The following SLC27A2 variants were observed in gnomAD, a reference collection of about 807,000 sequenced individuals.
SLC27A2 encodes solute carrier family 27 member 2.
SLC27A2 carries 54 observed loss-of-function variants against 60.0 expected under a neutral mutation model. The ratio of observed to expected loss-of-function variants is 0.90; its 90% CI spans 0.72 to 1.13. SLC27A2 has a LOEUF of 1.13. Ranked by LOEUF, SLC27A2 falls within the 50% of genes most tolerant of loss-of-function variation. The pLI is 0.00. For missense variants in SLC27A2, 739 were observed against 777.6 expected (o/e 0.95, Z 0.59); for synonymous variants, 297 against 297.6 (o/e 1.00, Z 0.02).
At chr15:50,228,093 A>G (rs979017212) in intron 7 of SLC27A2, among the ~76,000 whole-genome samples, 1 of 152,122 alleles carries the variant, frequency 6.6e-6, no homozygotes, top group African/African-American at 2.4e-5. Flanking sequence ...AGAATTTTTA[A>G]TGGGCCAGGC....
intron 4 of SLC27A2, among the ~76,000 whole-genome samples, chr15:50,212,070 CAAAA>C (rs1171050015): frequency 4.1e-5 from 2 of 48,538 alleles, no homozygotes; most frequent in African/African-American, 1.6e-4. Flanking sequence ...GACTCTGTCT[CAAAA>C]AAAAAAAAAA....
intron 1 of SLC27A2, among the ~76,000 whole-genome samples, chr15:50,194,041 G>A (rs989461584): frequency 1.3e-5 from 2 of 152,120 alleles, no homozygotes; most frequent in African/African-American, 4.8e-5. Flanking sequence ...AGTTACTTGA[G>A]AGGCTGAAAT....
At chr15:50,215,362 T>A (rs1394280635) in intron 4 of SLC27A2, among the ~76,000 whole-genome samples, 3 of 152,072 alleles carry the variant, frequency 2.0e-5, no homozygotes, top group Non-Finnish European at 4.4e-5. Context: ...CTGGGTAGAA[T>A]CAATATTGTG....
chr15:50,222,919 CT>C, intron 4 of SLC27A2, 45 bp from the exon 5 acceptor site: 1 of 1,435,254 alleles, frequency 7.0e-7, no homozygotes, highest in Non-Finnish European at 9.6e-7. Context: ...TAAGCATAGG[CT>C]CCAGAGATGT....
chr15:50,199,194 A>C (rs1183520902), intron 2 of SLC27A2, among the ~76,000 whole-genome samples: 1 of 152,194 alleles, frequency 6.6e-6, no homozygotes. Context: ...CTTTGTTACA[A>C]TGCATGTTTT....
intron 5 of SLC27A2, 27 bp from the exon 6 acceptor site, chr15:50,225,961 T>C (rs1567437236): frequency 1.4e-6 from 2 of 1,391,472 alleles, no homozygotes; most frequent in Non-Finnish European, 2.0e-6. Flanking sequence ...AAAAGATTTA[T>C]ACTCAAAATT....
At chr15:50,196,864 A>G (rs186454656) in intron 1 of SLC27A2, among the ~76,000 whole-genome samples, 39 of 152,304 alleles carry the variant, frequency 2.6e-4, no homozygotes, top group Admixed American at 8.5e-4. Context: ...AAAAATTGTT[A>G]CATAAAGTTA....
At chr15:50,234,089 A>C in intron 9 of SLC27A2, 91 bp downstream of exon 9, 2 of 1,276,502 alleles carry the variant, frequency 1.6e-6, no homozygotes, top group African/African-American at 3.0e-5. Context: ...GGATGACTAC[A>C]TTTGCCAAGT....
chr15:50,212,427 A>G (rs1180406026), intron 4 of SLC27A2, among the ~76,000 whole-genome samples: 1 of 152,268 alleles, frequency 6.6e-6, no homozygotes, highest in East Asian at 1.9e-4. Flanking sequence ...ATGCAAATAC[A>G]TGAAGCACAA....
chr15:50,202,790 T>C, intron 3 of SLC27A2, 145 bp downstream of exon 3: 2 of 740,344 alleles, frequency 2.7e-6, no homozygotes, highest in Non-Finnish European at 4.5e-6. Flanking sequence ...GAATCACATA[T>C]TACAAGCAAG....
intron 9 of SLC27A2, among the ~76,000 whole-genome samples, 180 bp from the exon 10 acceptor site, chr15:50,235,740 C>G (rs1242208274): frequency 6.6e-6 from 1 of 152,178 alleles, no homozygotes; most frequent in African/African-American, 2.4e-5. Flanking sequence ...ACAATGTTAT[C>G]TGTCCATTTA....
At chr15:50,216,776 T>A (rs1001032848) in intron 4 of SLC27A2, among the ~76,000 whole-genome samples, 12 of 145,676 alleles carry the variant, frequency 8.2e-5, no homozygotes, top group African/African-American at 2.7e-4. Context: ...TCCATAAAAA[T>A]ATATATATTC....
intron 4 of SLC27A2, among the ~76,000 whole-genome samples, chr15:50,207,569 C>T (rs2045122753): frequency 6.6e-6 from 1 of 151,880 alleles, no homozygotes. Context: ...GCGGGCAGAT[C>T]ATTCAAGGTC....
At chr15:50,195,551 G>C (rs1038898651) in intron 1 of SLC27A2, among the ~76,000 whole-genome samples, 1 of 152,074 alleles carries the variant, frequency 6.6e-6, no homozygotes, top group African/African-American at 2.4e-5. Context: ...ATTAGCTTTA[G>C]TTGTGAGGAA....
At chr15:50,202,708 T>A in intron 3 of SLC27A2, 63 bp downstream of exon 3, 4 of 1,568,104 alleles carry the variant, frequency 2.6e-6, no homozygotes, top group Non-Finnish European at 3.5e-6. Context: ...GAAGGAACAG[T>A]AATACAAAAT....
chr15:50,188,843 C>G (rs902624495), intron 1 of SLC27A2, among the ~76,000 whole-genome samples: 1 of 152,034 alleles, frequency 6.6e-6, no homozygotes, highest in Non-Finnish European at 1.5e-5. Context: ...ATCCGTAATC[C>G]CAGCTACTCC....
intron 2 of SLC27A2, among the ~76,000 whole-genome samples, chr15:50,200,286 G>T (rs1226020800): frequency 1.3e-5 from 2 of 152,064 alleles, no homozygotes; most frequent in Non-Finnish European, 2.9e-5. Context: ...TAAACAGCCA[G>T]GCATGGTGGT....
rs16963414 is a variant in SLC27A2, at chr15:50,209,122, A to G, written c.972+3759A>G. Among the ~76,000 whole-genome samples the G allele has an allele frequency of 7.6e-3, 1,165 of 152,290 alleles. 29 individuals are homozygous for G. The East Asian group carries it at 0.095, about 12-fold the overall frequency. On this transcript the variant is annotated intron_variant, in intron 4 of 9. Transcript: ENST00000267842. ...AGTTCCAGGGGCCACACATAGAACC[A>G]TGATATTTGGAAGGAGAAATAATAT...
At chr15:50,232,595 C>A (rs945674334) in intron 8 of SLC27A2, among the ~76,000 whole-genome samples, 1 of 152,008 alleles carries the variant, frequency 6.6e-6, no homozygotes. Context: ...GGGGCAGAGG[C>A]CTGAGACCTG....
Sources: allele counts gnomAD v4.1 joint callset (sites outside exome capture counted in the v4.1 genomes callset), GRCh38; gene constraint gnomAD v4.1.1; transcripts MANE v1.5; gene names NCBI Gene and HGNC (gene_info 2026-07-23, HGNC 2026-07-21).